The following GTF3C2 variants were observed in gnomAD, a reference collection of about 807,000 sequenced individuals.
GTF3C2 encodes general transcription factor 3C polypeptide 2.
In GTF3C2, 17 loss-of-function variants were observed where a neutral mutation model predicts 117.4. That is an observed-to-expected ratio of 0.14 (90% confidence interval 0.10 to 0.22). The LOEUF (loss-of-function observed/expected upper bound fraction) is 0.22, where lower values mean the gene tolerates loss of function less well. GTF3C2 is among the 10% of genes least tolerant of loss of function. The probability of loss-of-function intolerance (pLI) is 1.00; values close to 1 mark genes in which losing one functional copy is unlikely to be tolerated. For synonymous variants in GTF3C2, 437 were observed against 427.0 expected, an observed-to-expected ratio of 1.02 and a Z score of -0.29; for missense variants, 888 against 1,143.6, an observed-to-expected ratio of 0.78 and a Z score of 3.22.
intron 7 of GTF3C2, among the ~76,000 whole-genome samples, chr2:27,336,959 A>G (rs1452292911): frequency 1.3e-5 from 2 of 152,172 alleles, no homozygotes; most frequent in Admixed American, 6.5e-5. Context: ...TCATTCTGGC[A>G]TACTATAGTA....
At chr2:27,333,768 G>A (rs757613008) in exon 12 of GTF3C2, 2 of 1,605,234 alleles carry the variant, frequency 1.2e-6, no homozygotes, top group South Asian at 2.2e-5. Flanking sequence ...CACCTGCAGA[G>A]TTGCCACACA....
intron 15 of GTF3C2, 23 bp downstream of exon 15, chr2:27,328,821 C>A (rs1251113072): frequency 3.2e-6 from 5 of 1,563,304 alleles, no homozygotes; most frequent in Non-Finnish European, 4.4e-6. Flanking sequence ...GTAATGAAGA[C>A]TGCAAAAGAA....
intron 10 of GTF3C2, among the ~76,000 whole-genome samples, chr2:27,334,200 CT>C (rs368640856): frequency 0.021 from 3,080 of 143,540 alleles, 102 homozygotes; most frequent in African/African-American, 0.072. Context: ...CAGGCCTTGC[CT>C]TTTTTTTTTT....
intron 4 of GTF3C2, among the ~76,000 whole-genome samples, chr2:27,339,304 G>A (rs1414267608): frequency 6.6e-6 from 1 of 151,582 alleles, no homozygotes; most frequent in African/African-American, 2.4e-5. Context: ...CTACTTGGGA[G>A]GCTGAGGCGG....
intron 4 of GTF3C2, among the ~76,000 whole-genome samples, chr2:27,338,836 C>G (rs1026520575): frequency 6.6e-6 from 1 of 151,482 alleles, no homozygotes; most frequent in Non-Finnish European, 1.5e-5. Context: ...CCACACCTGG[C>G]CTTCTTTAAA....
chr2:27,326,195 T>C (rs779386890), exon 19 of GTF3C2: 13 of 471,802 alleles, frequency 2.8e-5, no homozygotes. Flanking sequence ...ACTATCACCC[T>C]CGTGGGCATA....
intron 17 of GTF3C2, among the ~76,000 whole-genome samples, chr2:27,327,772 C>T (rs1487951263): frequency 6.6e-6 from 1 of 151,986 alleles, no homozygotes; most frequent in Non-Finnish European, 1.5e-5. Context: ...GGACTACAGG[C>T]ACGCGCCACC....
chr2:27,326,100 G>C (rs1680064487), exon 19 of GTF3C2: 2 of 420,072 alleles, frequency 4.8e-6, no homozygotes, highest in Non-Finnish European at 9.8e-6. Context: ...GAGCAAGTAA[G>C]ATCTGAGCCA....
At chr2:27,334,054 C>G (rs1680368095) in intron 10 of GTF3C2, 55 bp from the exon 11 acceptor site, 1 of 1,365,208 alleles carries the variant, frequency 7.3e-7, no homozygotes, top group Non-Finnish European at 1.0e-6. Flanking sequence ...CTCAGCAGGT[C>G]TTACTCTGTC....
At chr2:27,328,087 A>G in exon 17 of GTF3C2, 1 of 1,612,256 alleles carries the variant, frequency 6.2e-7, no homozygotes, top group Non-Finnish European at 8.5e-7. Context: ...GTTTCAGTGT[A>G]AGTTCGAGCC....
At chr2:27,355,944 CA>C in intron 1 of GTF3C2, 1 of 452,884 alleles carries the variant, frequency 2.2e-6, no homozygotes, top group Non-Finnish European at 4.2e-6. Context: ...GAGACTAATG[CA>C]TTTAAACTTT....
chr2:27,326,956 G>T, intron 18 of GTF3C2, 63 bp from the exon 19 acceptor site: 2 of 1,042,380 alleles, frequency 1.9e-6, no homozygotes, highest in Non-Finnish European at 2.8e-6. Flanking sequence ...GTGACTCCTA[G>T]CTGTATGAAC....
chr2:27,342,401 A>T, intron 3 of GTF3C2, 168 bp from the exon 4 acceptor site: 1 of 615,716 alleles, frequency 1.6e-6, no homozygotes, highest in East Asian at 2.8e-5. Context: ...CAGAAATCTA[A>T]GTTATGTGAC....
intron 1 of GTF3C2, among the ~76,000 whole-genome samples, chr2:27,347,553 G>C (rs924785871): frequency 7.9e-5 from 12 of 152,142 alleles, no homozygotes; most frequent in African/African-American, 2.9e-4. Flanking sequence ...TTAGTCACAA[G>C]CCAAAAGGAC....
At chr2:27,346,518 AT>A (rs1356400332) in intron 1 of GTF3C2, among the ~76,000 whole-genome samples, 2 of 148,324 alleles carry the variant, frequency 1.3e-5, no homozygotes, top group Admixed American at 6.7e-5. Context: ...TGCCTGACTA[AT>A]TTTTGTATTT....
chr2:27,335,759 A>C (rs1190516632), intron 9 of GTF3C2, 53 bp from the exon 10 acceptor site: 6 of 1,285,780 alleles, frequency 4.7e-6, no homozygotes, highest in Non-Finnish European at 6.6e-6. Flanking sequence ...ACTCACAGAA[A>C]ACCTTTGAGG....
chr2:27,341,949 C>A, exon 4 of GTF3C2: 1 of 1,613,312 alleles, frequency 6.2e-7, no homozygotes. Context: ...TGAGGTTACC[C>A]CTGAAGTAGA....
chr2:27,344,914 GT>G (rs1680866554), intron 1 of GTF3C2, among the ~76,000 whole-genome samples: 1 of 152,052 alleles, frequency 6.6e-6, no homozygotes, highest in Non-Finnish European at 1.5e-5. Flanking sequence ...GAGCCTAGGA[GT>G]TCGAGGTTAC....
chr2:27,335,563 T>C, intron 10 of GTF3C2, 35 bp downstream of exon 10: 1 of 1,197,408 alleles, frequency 8.4e-7, no homozygotes, highest in African/African-American at 1.5e-5. Context: ...TGACCACCAC[T>C]ACAGCAGCCC....
Sources: allele counts gnomAD v4.1 joint callset (sites outside exome capture counted in the v4.1 genomes callset), GRCh38; gene constraint gnomAD v4.1.1; transcripts MANE v1.5; gene names NCBI Gene and HGNC (gene_info 2026-07-23, HGNC 2026-07-21).